Variants in SDC1 observed in about 807,000 individuals in gnomAD.
SDC1 encodes syndecan-1.
In SDC1, 14 loss-of-function variants were observed where a neutral mutation model predicts 29.7. That is an observed-to-expected ratio of 0.47 (90% CI 0.31 to 0.74). The LOEUF is 0.74. Among genes scored for constraint, SDC1 ranks in the 30% least tolerant of loss-of-function variants. The pLI is 0.05. For missense variants in SDC1, 406 were observed against 400.3 expected (o/e 1.01, Z -0.12); for synonymous variants, 204 against 175.5 (o/e 1.16, Z -1.29).
At chr2:20,219,604 C>T (rs1174311198) in intron 1 of SDC1, among the ~76,000 whole-genome samples, 16 of 152,214 alleles carry the variant, frequency 1.1e-4, no homozygotes, top group Admixed American at 1.0e-3. Context: ...TTCCAGAATA[C>T]ATGCTCCCAT....
At chr2:20,217,834 G>A (rs1044180881) in intron 1 of SDC1, among the ~76,000 whole-genome samples, 26 of 152,124 alleles carry the variant, frequency 1.7e-4, no homozygotes, top group Non-Finnish European at 3.4e-4. Flanking sequence ...AGCGGACCTC[G>A]GGCAGGTGCC....
rs1037788869 is a variant in SDC1 at position 20,200,848 on chromosome 2, C to T, written c.*1918G>A. ...TTGTCGTTACACAAATGAACCCAGC[C>T]TCTGGCTTGGGCACCGTCCCACGGA... On this transcript the variant is annotated 3_prime_UTR_variant, in exon 5 of 5. Coordinates refer to ENST00000254351, the MANE Select transcript of SDC1 (RefSeq NM_002997.5). 3.3e-5 allele frequency: 5 copies of T among 152,304 alleles called. No individual in the cohort carries two copies. Among genetic ancestry groups the T allele is most frequent in the African/African-American group, 1.2e-4 (5 of 41,468 alleles). 9.4% of individuals were successfully genotyped at this position (152,304 alleles called of 1,614,324 possible). A position where few individuals can be genotyped will look rare whatever the true frequency, so the allele number is the denominator to read the frequency against.
intron 1 of SDC1, among the ~76,000 whole-genome samples, chr2:20,214,763 C>T (rs988997535): frequency 6.6e-6 from 1 of 152,176 alleles, no homozygotes; most frequent in African/African-American, 2.4e-5. Flanking sequence ...GAGTCTAAGC[C>T]TCTGATCTGG....
At chr2:20,203,283 C>T (rs1677106335) in intron 3 of SDC1, 61 bp from the exon 4 acceptor site, 2 of 1,549,544 alleles carry the variant, frequency 1.3e-6, no homozygotes, top group African/African-American at 2.7e-5. Flanking sequence ...GCAACCAGCT[C>T]CACTACAAGA....
rs1677182538 is a variant in SDC1, at chr2:20,204,411, G to A, written c.149-120C>T. On this transcript the variant is annotated intron_variant, in intron 2 of 4. Coordinates refer to ENST00000254351, the MANE Select transcript of SDC1 (RefSeq NM_002997.5). ...CCTGGGCTGGCCAAGCTCAGGCTATGAGGGAGGCTAGTACCTGGACAAGGC... is the reference window on the plus strand; with the variant it reads ...CCTGGGCTGGCCAAGCTCAGGCTATAAGGGAGGCTAGTACCTGGACAAGGC... 4.3e-6 allele frequency: 3 copies of A among 703,888 alleles called. No homozygotes were observed. In the East Asian group the frequency reaches 7.4e-5, roughly 17 times the overall value. The allele number at this position is 703,888 out of a possible 1,614,324, so 43.6% of individuals were successfully genotyped here. A position where few individuals can be genotyped will look rare whatever the true frequency, so the allele number is the denominator to read the frequency against.
chr2:20,218,516 A>C (rs1177426553), intron 1 of SDC1, among the ~76,000 whole-genome samples: 2 of 151,714 alleles, frequency 1.3e-5, no homozygotes, highest in African/African-American at 4.9e-5. Flanking sequence ...GCACCCCCCC[A>C]CCACACACAC....
In SDC1 at chr2:20,224,907, G is replaced by C; in HGVS notation, c.-40C>G. 8.3e-7 allele frequency: 1 copy of C among 1,207,626 alleles called. No individual in the cohort carries two copies. Among genetic ancestry groups the C allele is most frequent in the Non-Finnish European group, 1.0e-6 (1 of 973,070 alleles). 74.8% of individuals were successfully genotyped at this position (1,207,626 alleles called of 1,614,324 possible). A position where few individuals can be genotyped will look rare whatever the true frequency, so the allele number is the denominator to read the frequency against. On this transcript the variant is annotated 5_prime_UTR_variant, in exon 1 of 5. Transcript: ENST00000254351. The surrounding 1 kb of genome is among the most constrained non-coding windows in gnomAD (Gnocchi z 4.9). ...CGGCGGGAGAGCGGCAGGCTGCGCG[G>C]GTCGCGGCTGCGGGCCGGCTTCGCG... is the stretch of plus-strand genomic sequence containing the variant.
At chr2:20,207,460 TA>T in intron 1 of SDC1, 1 of 931,060 alleles carries the variant, frequency 1.1e-6, no homozygotes, top group Non-Finnish European at 1.3e-6. Context: ...CTCACGCCTG[TA>T]ATCCCAGCAC....
At chr2:20,216,531 C>A (rs1677631263) in intron 1 of SDC1, among the ~76,000 whole-genome samples, 3 of 152,212 alleles carry the variant, frequency 2.0e-5, no homozygotes, top group Admixed American at 2.0e-4. Flanking sequence ...GCCTGGAACA[C>A]TACAGATAAG....
chr2:20,219,103 C>A (rs986296369), intron 1 of SDC1, among the ~76,000 whole-genome samples: 2 of 152,176 alleles, frequency 1.3e-5, no homozygotes, highest in Non-Finnish European at 2.9e-5. Context: ...GCCGCCTGTT[C>A]TGCTCTCCTG....
chr2:20,213,247 G>A (rs935409700), intron 1 of SDC1, among the ~76,000 whole-genome samples: 7 of 152,198 alleles, frequency 4.6e-5, no homozygotes. Context: ...TGGAGCCGTG[G>A]AGCTGGAAGA....
Position 20,202,352 on chromosome 2 carries a change from C to T in SDC1, c.*414G>A. On this transcript the variant is annotated 3_prime_UTR_variant, in exon 5 of 5. Transcript: ENST00000254351. ...CACCCCCCCAAGATGCTTGGTCCTA[C>T]CAGTAAGTGCTACAGGTGTGTGAGC... 1.3e-6 allele frequency: 1 copy of T among 765,832 alleles called. No homozygotes were observed. Among genetic ancestry groups the T allele is most frequent in the Non-Finnish European group, 2.4e-6 (1 of 412,476 alleles). The allele number at this position is 765,832 out of a possible 1,614,324, so 47.4% of individuals were successfully genotyped here.
At position 20,224,216 on chromosome 2, in the gene SDC1, G is replaced by A. The variant is rs1180243208; in HGVS notation, c.66+586C>T. 4 of 407,958 alleles carry A rather than the reference G, an allele frequency of 9.8e-6. No individual in the cohort carries two copies. Among genetic ancestry groups the A allele is most frequent in the Non-Finnish European group, 2.0e-5 (4 of 204,624 alleles). 25.3% of individuals were successfully genotyped at this position (407,958 alleles called of 1,614,324 possible). ...CTCGAGCCGCCCACGGCAAGCCCGAGGGCCCTGCAGACGCTCGCCCGCGCC... is the reference window on the plus strand; with the variant it reads ...CTCGAGCCGCCCACGGCAAGCCCGAAGGCCCTGCAGACGCTCGCCCGCGCC... On this transcript the variant is annotated intron_variant, in intron 1 of 4. Transcript: ENST00000254351. The surrounding 1 kb of genome is among the most constrained non-coding windows in gnomAD (Gnocchi z 4.9).
At position 20,202,853 on chromosome 2, in the gene SDC1, G is replaced by A. The variant is rs756537340; in HGVS notation, c.846C>T (p.Asp282=). 30 of 1,613,718 alleles carry A rather than the reference G, an allele frequency of 1.9e-5. No homozygotes were observed. The highest frequency in any genetic ancestry group is 7.7e-5 in the South Asian group (7 of 91,034). Residue 282 remains aspartate (D), a synonymous_variant, in exon 5 of 5, where the codon GAC becomes GAT. Coordinates refer to ENST00000254351, the MANE Select transcript of SDC1 (RefSeq NM_002997.5). ...GFMLYRMKKK[D]EGSYSLEEPK... The stretch of plus-strand genomic sequence containing the variant: ...GCTCCTCCAAGGAGTAGCTGCCTTC[G>A]TCCTTCTTCTTCATGCGGTACAGCA...
At position 20,201,119 on chromosome 2, in the gene SDC1, G is replaced by C. The variant is rs1455947426; in HGVS notation, c.*1647C>G. 3.3e-5 allele frequency: 5 copies of C among 152,294 alleles called. No individual in the cohort carries two copies. Among genetic ancestry groups the C allele is most frequent in the Admixed American group, 2.0e-4 (3 of 15,282 alleles). The allele number at this position is 152,294 out of a possible 1,614,324, so 9.4% of individuals were successfully genotyped here. On this transcript the variant is annotated 3_prime_UTR_variant, in exon 5 of 5. Transcript: ENST00000254351. ...GCCTCTGGCCTCTGCAGCCGGGTGG[G>C]AGGAGGATGTCCAAGGTGTCTGCGG...
At chr2:20,208,188 A>G in intron 1 of SDC1, 1 of 920,098 alleles carries the variant, frequency 1.1e-6, no homozygotes, top group South Asian at 5.0e-5. Context: ...CCTGGGAGAC[A>G]CCGCCCAGTG....
At chr2:20,219,660 G>T (rs780373544) in intron 1 of SDC1, among the ~76,000 whole-genome samples, 1 of 152,196 alleles carries the variant, frequency 6.6e-6, no homozygotes, top group Non-Finnish European at 1.5e-5. Context: ...AAGTGACAGG[G>T]TACAGGATCC....
At chr2:20,215,108 C>T (rs894904739) in intron 1 of SDC1, among the ~76,000 whole-genome samples, 7 of 152,242 alleles carry the variant, frequency 4.6e-5, no homozygotes, top group African/African-American at 7.2e-5. Context: ...AAGACAACAG[C>T]CATCATTTCC....
At chr2:20,212,716 C>A (rs1371344432) in intron 1 of SDC1, among the ~76,000 whole-genome samples, 2 of 152,116 alleles carry the variant, frequency 1.3e-5, no homozygotes, top group Middle Eastern at 6.8e-3. Context: ...TGGGCCCGGC[C>A]CAGGGCAGGA....
Sources: gnomAD v4.1 joint callset for allele counts (sites outside exome capture counted in the v4.1 genomes callset) on GRCh38, gnomAD v4.1.1 for gene constraint, Gnocchi (gnomAD v3.1) non-coding constraint, MANE v1.5 for transcripts, NCBI Gene and HGNC (gene_info 2026-07-23, HGNC 2026-07-21) for gene names.